SMYD3: variants seen among roughly 807,000 people sequenced by gnomAD.
The protein encoded by SMYD3 is SET and MYND domain containing 3, also known as histone-lysine N-methyltransferase SMYD3.
Under a neutral mutation model 57.7 loss-of-function variants are expected in SMYD3, and 36 were observed. The observed-to-expected ratio is 0.62, with a 90% CI of 0.48 to 0.82. The LOEUF is 0.82. Among genes scored for constraint, SMYD3 ranks in the 40% least tolerant of loss-of-function variants. The probability of loss-of-function intolerance (pLI) is 0.00; values close to 1 mark genes in which losing one functional copy is unlikely to be tolerated. For missense variants in SMYD3, 515 were observed against 538.8 expected, an observed-to-expected ratio of 0.96 and a Z score of 0.44; for synonymous variants, 211 against 195.0, an observed-to-expected ratio of 1.08 and a Z score of -0.68.
intron 5 of SMYD3, among the ~76,000 whole-genome samples, chr1:246,080,148 C>A (rs886275174): frequency 6.9e-6 from 1 of 145,828 alleles, no homozygotes; most frequent in South Asian, 2.1e-4. Flanking sequence ...GTAAGTCAGT[C>A]TCCTAGGGCA....
At chr1:245,767,185 C>T (rs540711201) in intron 10 of SMYD3, among the ~76,000 whole-genome samples, 8 of 152,126 alleles carry the variant, frequency 5.3e-5, no homozygotes, top group Middle Eastern at 3.4e-3. Context: ...GACAAAAAGA[C>T]GGTCATCTTT....
chr1:246,195,512 C>T (rs979608069), intron 5 of SMYD3, among the ~76,000 whole-genome samples: 4 of 152,238 alleles, frequency 2.6e-5, no homozygotes, highest in Admixed American at 2.6e-4. Flanking sequence ...ACATTCACAT[C>T]CTATTCTCCA....
intron 4 of SMYD3, among the ~76,000 whole-genome samples, chr1:246,328,396 C>A (rs573422078): frequency 2.6e-4 from 40 of 152,284 alleles, no homozygotes; most frequent in African/African-American, 9.1e-4. Context: ...CACTTAAGGT[C>A]ATGTGTATGA....
At chr1:245,777,031 C>G (rs1271037033) in intron 10 of SMYD3, among the ~76,000 whole-genome samples, 1 of 152,022 alleles carries the variant, frequency 6.6e-6, no homozygotes, top group Admixed American at 6.5e-5. Flanking sequence ...ACTTGCTCTA[C>G]GACAAAGGAG....
chr1:245,980,340 G>A (rs769925776), intron 5 of SMYD3, among the ~76,000 whole-genome samples: 12 of 152,140 alleles, frequency 7.9e-5, no homozygotes, highest in Non-Finnish European at 1.3e-4. Flanking sequence ...GTACTTCATC[G>A]ACTCCACTCC....
intron 6 of SMYD3, among the ~76,000 whole-genome samples, chr1:245,928,720 C>A (rs1277075648): frequency 1.3e-5 from 2 of 152,108 alleles, no homozygotes; most frequent in African/African-American, 4.8e-5. Context: ...AGCCAAGATA[C>A]CACTGACCTC....
At chr1:246,354,939 A>G in intron 2 of SMYD3, 92 bp downstream of exon 2, 1 of 1,108,996 alleles carries the variant, frequency 9.0e-7, no homozygotes, top group Non-Finnish European at 1.3e-6. Context: ...AAGGCTGTAA[A>G]GAAGTAGACA....
At chr1:245,806,744 A>G (rs1168366839) in intron 10 of SMYD3, among the ~76,000 whole-genome samples, 2 of 151,028 alleles carry the variant, frequency 1.3e-5, no homozygotes, top group East Asian at 3.9e-4. Flanking sequence ...CCCCGTCTCT[A>G]CTAAAAATAC....
intron 5 of SMYD3, among the ~76,000 whole-genome samples, chr1:246,237,684 G>T (rs1433809755): frequency 6.6e-6 from 1 of 152,154 alleles, no homozygotes; most frequent in Non-Finnish European, 1.5e-5. Flanking sequence ...TTAAAAAGCT[G>T]AAGTGAGAAT....
At chr1:246,363,329 C>T (rs1362506546) in intron 1 of SMYD3, among the ~76,000 whole-genome samples, 1 of 151,258 alleles carries the variant, frequency 6.6e-6, no homozygotes, top group Non-Finnish European at 1.5e-5. Flanking sequence ...GCCAGCCGCC[C>T]CATCCGGGAG....
At chr1:246,474,794 T>G (rs928774275) in intron 1 of SMYD3, among the ~76,000 whole-genome samples, 1 of 152,114 alleles carries the variant, frequency 6.6e-6, no homozygotes, top group Non-Finnish European at 1.5e-5. Context: ...CTTTCCAGTA[T>G]CTCCCTTTCT....
At chr1:246,090,762 C>T (rs181680965) in intron 5 of SMYD3, among the ~76,000 whole-genome samples, 22 of 152,158 alleles carry the variant, frequency 1.4e-4, no homozygotes, top group Non-Finnish European at 2.9e-4. Context: ...AGGATACACC[C>T]GCCCTCCGCC....
chr1:245,880,569 T>C (rs543452733), intron 8 of SMYD3, among the ~76,000 whole-genome samples: 1 of 152,220 alleles, frequency 6.6e-6, no homozygotes, highest in South Asian at 2.1e-4. Flanking sequence ...TATTTAATCA[T>C]TTCAACGAAG....
At chr1:246,371,567 G>C (rs2066192275) in intron 1 of SMYD3, among the ~76,000 whole-genome samples, 1 of 152,120 alleles carries the variant, frequency 6.6e-6, no homozygotes, top group African/African-American at 2.4e-5. Flanking sequence ...ACTATTGCTA[G>C]TACAAATATC....
At chr1:245,843,131 C>T (rs932361422) in intron 10 of SMYD3, among the ~76,000 whole-genome samples, 2 of 152,114 alleles carry the variant, frequency 1.3e-5, no homozygotes, top group African/African-American at 4.8e-5. Flanking sequence ...AGCATGCTTC[C>T]ATGTCTTAAT....
At chr1:245,757,898 GC>G (rs1253400653) in intron 11 of SMYD3, among the ~76,000 whole-genome samples, 1 of 151,854 alleles carries the variant, frequency 6.6e-6, no homozygotes, top group African/African-American at 2.4e-5. Flanking sequence ...ACTGCTTTTG[GC>G]TATTTGGGAT....
At chr1:246,214,916 T>G (rs1051346747) in intron 5 of SMYD3, among the ~76,000 whole-genome samples, 4 of 152,170 alleles carry the variant, frequency 2.6e-5, no homozygotes, top group Non-Finnish European at 5.9e-5. Context: ...TATGCTCTAT[T>G]ATCAAATACA....
chr1:246,289,566 A>G (rs2064643992), intron 5 of SMYD3, among the ~76,000 whole-genome samples: 1 of 150,532 alleles, frequency 6.6e-6, no homozygotes, highest in African/African-American at 2.5e-5. Context: ...CTTTTCAAAA[A>G]ATTTACTTTG....
At chr1:246,157,821 C>T (rs554352365) in intron 5 of SMYD3, among the ~76,000 whole-genome samples, 4 of 152,310 alleles carry the variant, frequency 2.6e-5, no homozygotes, top group South Asian at 2.1e-4. Context: ...GCCACAGAAT[C>T]GCAAGCTTCT....
Sources: gnomAD v4.1 joint callset for allele counts (sites outside exome capture counted in the v4.1 genomes callset) on GRCh38, gnomAD v4.1.1 for gene constraint, MANE v1.5 for transcripts, NCBI Gene and HGNC (gene_info 2026-07-23, HGNC 2026-07-21) for gene names.